The following DIAPH2 variants were observed in gnomAD, a reference collection of about 807,000 sequenced individuals.
DIAPH2 encodes the protein diaphanous related formin 2.
Under a neutral mutation model 92.7 loss-of-function variants are expected in DIAPH2, and 35 were observed. That is an observed-to-expected ratio of 0.38 (90% CI 0.29 to 0.50). The LOEUF (loss-of-function observed/expected upper bound fraction) is 0.50, where lower values mean the gene tolerates loss of function less well. Ranked by LOEUF, DIAPH2 falls within the 20% of genes least tolerant of loss-of-function variation. The pLI, the probability that DIAPH2 is intolerant of heterozygous loss-of-function variation, is 0.94. For missense variants in DIAPH2, 701 were observed against 819.5 expected, an observed-to-expected ratio of 0.86 and a Z score of 1.77; for synonymous variants, 301 against 280.4, an observed-to-expected ratio of 1.07 and a Z score of -0.73.
chrX:97,255,513 G>C (rs898979693), intron 23 of DIAPH2, among the ~76,000 whole-genome samples: 5 of 111,408 alleles, frequency 4.5e-5, no homozygotes, highest in Admixed American at 9.6e-5. Flanking sequence ...TTCATATTTT[G>C]AGTACTTCAC....
chrX:97,412,469 C>T (rs1393120886), intron 25 of DIAPH2, among the ~76,000 whole-genome samples: 3 of 111,951 alleles, frequency 2.7e-5, no homozygotes, highest in African/African-American at 6.5e-5. Context: ...CTAAAATCAA[C>T]ACCCTAACAT....
At chrX:97,039,687 C>T (rs2066435436) in intron 17 of DIAPH2, among the ~76,000 whole-genome samples, 1 of 111,155 alleles carries the variant, frequency 9.0e-6, no homozygotes, top group South Asian at 3.8e-4. Context: ...GTGGTTGGAG[C>T]CCAGCCAGCT....
intron 26 of DIAPH2, among the ~76,000 whole-genome samples, chrX:97,439,593 G>A (rs1436791894): frequency 9.2e-6 from 1 of 108,805 alleles, no homozygotes; most frequent in African/African-American, 3.3e-5. Context: ...GAAAAGAAAA[G>A]AAAATTAGCC....
At chrX:97,543,606 G>A (rs1220626661) in intron 26 of DIAPH2, among the ~76,000 whole-genome samples, 1 of 110,726 alleles carries the variant, frequency 9.0e-6, no homozygotes, top group East Asian at 2.8e-4. Context: ...CCAGGTTCAA[G>A]TGATTCTTCT....
chrX:96,783,824 A>T (rs2064436025), intron 4 of DIAPH2, among the ~76,000 whole-genome samples: 1 of 112,160 alleles, frequency 8.9e-6, no homozygotes, highest in Non-Finnish European at 1.9e-5. Context: ...AATAACTGCT[A>T]AGGATATTGT....
intron 26 of DIAPH2, among the ~76,000 whole-genome samples, chrX:97,583,629 TTGTC>T (rs1203758735): frequency 9.0e-5 from 10 of 111,606 alleles, no homozygotes; most frequent in African/African-American, 2.3e-4. Flanking sequence ...GTCTTTTTGT[TTGTC>T]TGTGCCCTGC....
At chrX:96,860,286 T>C (rs1436738397) in intron 4 of DIAPH2, among the ~76,000 whole-genome samples, 1 of 112,015 alleles carries the variant, frequency 8.9e-6, no homozygotes, top group Non-Finnish European at 1.9e-5. Context: ...ATCCATGCAC[T>C]GCATAGAATG....
Position 97,154,896 on chromosome X carries a change from TATCTC to T in DIAPH2, c.2719+13104_2719+13108del, listed in dbSNP as rs774552892. 3.6e-5 allele frequency among the ~76,000 whole-genome samples: 4 copies of T among 112,440 alleles called. No individual in the cohort carries two copies. In the East Asian group the frequency reaches 8.3e-4, roughly 23 times the overall value. On this transcript the variant is annotated intron_variant, in intron 22 of 26. Coordinates refer to ENST00000324765, the MANE Select transcript of DIAPH2 (RefSeq NM_006729.5). Reference sequence around the variant, plus strand: ...TCTTCGGAGGAAAATGAATTGTTGATATCTCAGCTTACTCAGAAATTCAGTAGAAA... The same window carrying T: ...TCTTCGGAGGAAAATGAATTGTTGATAGCTTACTCAGAAATTCAGTAGAAA...
intron 26 of DIAPH2, among the ~76,000 whole-genome samples, chrX:97,446,119 T>G (rs1462856466): frequency 1.8e-5 from 2 of 111,402 alleles, no homozygotes; most frequent in African/African-American, 6.5e-5. Context: ...TGATAGTGAG[T>G]AAGGCATCAA....
intron 19 of DIAPH2, among the ~76,000 whole-genome samples, chrX:97,096,677 C>T (rs989838653): frequency 9.0e-6 from 1 of 111,119 alleles, no homozygotes; most frequent in Non-Finnish European, 1.9e-5. Flanking sequence ...TTTTTCCCTG[C>T]TTTCCTTTTT....
intron 22 of DIAPH2, among the ~76,000 whole-genome samples, chrX:97,230,202 A>ATTTG (rs1569335822): frequency 8.9e-6 from 1 of 111,876 alleles, no homozygotes; most frequent in East Asian, 2.8e-4. Context: ...AAATATTGAT[A>ATTTG]AGAAATCTTC....
chrX:96,884,241 A>T (rs892529848), intron 5 of DIAPH2: 1 of 979,704 alleles, frequency 1.0e-6, no homozygotes, highest in East Asian at 3.1e-5. Context: ...TCTGTGGAGA[A>T]CTCAAAGCCG....
rs200858742 is a variant in DIAPH2 at position 97,509,247 on chromosome X, G to A, written c.3241+79502G>A. Reference sequence around the variant, plus strand: ...TTTTTAGTAGAGATGGAGTTTCACCGTGTTGACGAGGCTGGTGTTGAACTC... The same window carrying A: ...TTTTTAGTAGAGATGGAGTTTCACCATGTTGACGAGGCTGGTGTTGAACTC... On this transcript the variant is annotated intron_variant, in intron 26 of 26. Coordinates refer to ENST00000324765, the MANE Select transcript of DIAPH2 (RefSeq NM_006729.5). Among the ~76,000 whole-genome samples the A allele has an allele frequency of 2.3e-4, 25 of 108,122 alleles. No homozygotes were observed. In the East Asian group the frequency reaches 3.8e-3, roughly 16 times the overall value. The allele number at this position is 108,122 out of a possible 115,157, so 93.9% of individuals were successfully genotyped here. A position where few individuals can be genotyped will look rare whatever the true frequency, so the allele number is the denominator to read the frequency against.
At chrX:97,509,514 T>G (rs1368096807) in intron 26 of DIAPH2, among the ~76,000 whole-genome samples, 1 of 101,404 alleles carries the variant, frequency 9.9e-6, no homozygotes, top group Non-Finnish European at 2.0e-5. Context: ...TAGGAACTTT[T>G]ATTATTATTA....
intron 21 of DIAPH2, among the ~76,000 whole-genome samples, chrX:97,133,656 G>T (rs948947296): frequency 3.6e-5 from 4 of 112,029 alleles, no homozygotes; most frequent in Non-Finnish European, 7.5e-5. Context: ...GCCAAGGTCC[G>T]CTGCTTTGTT....
At chrX:96,891,555 A>G (rs1332911163) in intron 5 of DIAPH2, among the ~76,000 whole-genome samples, 4 of 112,167 alleles carry the variant, frequency 3.6e-5, no homozygotes, top group Non-Finnish European at 5.6e-5. Flanking sequence ...CAGCCAATTC[A>G]TTGCAAGATG....
chrX:96,815,350 C>A (rs751904110), intron 4 of DIAPH2, among the ~76,000 whole-genome samples: 28 of 111,705 alleles, frequency 2.5e-4, no homozygotes, highest in Non-Finnish European at 4.9e-4. Flanking sequence ...GGGATATAAT[C>A]TTCTCGTGTG....
At chrX:96,960,263 G>A (rs1405723698) in intron 16 of DIAPH2, among the ~76,000 whole-genome samples, 1 of 111,274 alleles carries the variant, frequency 9.0e-6, no homozygotes, top group East Asian at 2.8e-4. Flanking sequence ...CCATTTGTTT[G>A]TGTCCTCTTT....
chrX:97,193,870 G>T (rs1326864661), intron 22 of DIAPH2, among the ~76,000 whole-genome samples: 1 of 111,612 alleles, frequency 9.0e-6, no homozygotes, highest in Non-Finnish European at 1.9e-5. Flanking sequence ...CTAATTTCTG[G>T]CCTATAAATA....
Sources: gnomAD v4.1 joint callset for allele counts (sites outside exome capture counted in the v4.1 genomes callset) on GRCh38, gnomAD v4.1.1 for gene constraint, MANE v1.5 for transcripts, NCBI Gene and HGNC (gene_info 2026-07-23, HGNC 2026-07-21) for gene names.